The following LSM5 variants were observed in gnomAD, a reference collection of about 807,000 sequenced individuals.
LSM5 encodes U6 snRNA-associated Sm-like protein LSm5.
Under a neutral mutation model 13.8 loss-of-function variants are expected in LSM5, and 8 were observed. The ratio of observed to expected loss-of-function variants is 0.58; its 90% CI spans 0.34 to 1.04. The LOEUF (loss-of-function observed/expected upper bound fraction) is 1.04. Among genes scored for constraint, LSM5 ranks in the 50% least tolerant of loss-of-function variants. LSM5 has a pLI of 0.03. For synonymous variants in LSM5, 35 were observed against 37.0 expected (o/e 0.95, Z 0.20); for missense variants, 80 against 108.1 (o/e 0.74, Z 1.15).
At chr7:32,492,064 G>A (rs1045101163), upstream of LSM5, among the ~76,000 whole-genome samples, 2 of 152,050 alleles carry the variant, frequency 1.3e-5, no homozygotes, top group East Asian at 1.9e-4. Flanking sequence ...TGTTTGTGAC[G>A]CTTCTTTCTT....
upstream of LSM5, among the ~76,000 whole-genome samples, chr7:32,491,321 C>T (rs758298630): frequency 4.1e-5 from 6 of 144,962 alleles, no homozygotes; most frequent in South Asian, 1.3e-3. Flanking sequence ...TGCTTGAACC[C>T]GAGAGGCAGC....
In LSM5 at chr7:32,487,555, C is replaced by T. The variant is rs1476613681; in HGVS notation, c.243+130G>A. The T allele has an allele frequency of 5.7e-6, 4 of 701,398 alleles. No homozygotes were observed. In the African/African-American group the frequency reaches 7.2e-5, roughly 13 times the overall value. The allele number at this position is 701,398 out of a possible 1,614,324, so 43.4% of individuals were successfully genotyped here. A position where few individuals can be genotyped will look rare whatever the true frequency, so the allele number is the denominator to read the frequency against. On this transcript the variant is annotated intron_variant, in intron 4 of 4. Coordinates refer to ENST00000450169, the MANE Select transcript of LSM5 (RefSeq NM_012322.3). ...CTTTAGGACCCTGACCACAGAGAAC[C>T]CCTTTCCCATCTTATGCACCACTGG... is the stretch of plus-strand genomic sequence containing the variant.
chr7:32,488,794 C>T, intron 2 of LSM5, 142 bp from the exon 3 acceptor site: 1 of 633,782 alleles, frequency 1.6e-6, no homozygotes, highest in Non-Finnish European at 2.8e-6. Flanking sequence ...TACAATCACA[C>T]CTCACTGCAG....
intron 1 of LSM5, 66 bp downstream of exon 1, chr7:32,490,254 C>T (rs751578905): frequency 6.2e-7 from 1 of 1,613,878 alleles, no homozygotes; most frequent in Non-Finnish European, 8.5e-7. Flanking sequence ...TGCCTCGGAA[C>T]AGCCCCTCGG....
chr7:32,487,396 C>T, intron 4 of LSM5, 103 bp from the exon 5 acceptor site: 1 of 887,268 alleles, frequency 1.1e-6, no homozygotes. Context: ...CTGCACTCCA[C>T]GTTCCCATTT....
At chr7:32,492,231 A>C (rs967666029), upstream of LSM5, among the ~76,000 whole-genome samples, 3 of 152,214 alleles carry the variant, frequency 2.0e-5, no homozygotes, top group African/African-American at 7.2e-5. Flanking sequence ...AGTTTTTAAA[A>C]ATTAGAAAAA....
intron 1 of LSM5, chr7:32,489,969 C>T (rs1786538823): frequency 2.5e-6 from 3 of 1,182,102 alleles, no homozygotes; most frequent in Non-Finnish European, 3.3e-6. Flanking sequence ...ACATACATAA[C>T]ATGGTCTATC....
chr7:32,487,063 G>T lies in LSM5; in HGVS notation c.*198C>A. The T allele has an allele frequency of 1.6e-6, 1 of 608,814 alleles. No individual in the cohort carries two copies. The highest frequency in any genetic ancestry group is 2.9e-6 in the Non-Finnish European group (1 of 347,312). The allele number at this position is 608,814 out of a possible 1,614,324, so 37.7% of individuals were successfully genotyped here. A position where few individuals can be genotyped will look rare whatever the true frequency, so the allele number is the denominator to read the frequency against. On this transcript the variant is annotated 3_prime_UTR_variant, in exon 5 of 5. Transcript: ENST00000450169. ...ACCAAAAACACCTTTATTTTCATCT[G>T]CAAAGAAGAAGCTCTTTTCTTCTTT...
intron 1 of LSM5, 171 bp from the exon 2 acceptor site, chr7:32,489,515 T>G (rs748330666): frequency 1.8e-6 from 1 of 561,910 alleles, no homozygotes; most frequent in South Asian, 2.3e-5. Context: ...TGGCACATAA[T>G]GAGCCTTCCA....
At chr7:32,490,189 G>A in intron 1 of LSM5, 131 bp downstream of exon 1, 1 of 1,569,048 alleles carries the variant, frequency 6.4e-7, no homozygotes, top group Non-Finnish European at 8.6e-7. Context: ...AAGACTTGGA[G>A]CTCAGAGTCG....
At chr7:32,489,455 T>G in intron 1 of LSM5, 111 bp from the exon 2 acceptor site, 1 of 680,644 alleles carries the variant, frequency 1.5e-6, no homozygotes, top group Non-Finnish European at 2.6e-6. Context: ...AAAACATTCA[T>G]TCAATAACTT....
chr7:32,493,694 CCAT>C (rs1388203375), upstream of LSM5, among the ~76,000 whole-genome samples: 1 of 150,204 alleles, frequency 6.7e-6, no homozygotes, highest in Non-Finnish European at 1.5e-5. Flanking sequence ...ACACACACCA[CCAT>C]GCCTGGCTAA....
chr7:32,487,415 T>C (rs2128105787), intron 4 of LSM5, 122 bp from the exon 5 acceptor site: 1 of 757,232 alleles, frequency 1.3e-6, no homozygotes, highest in Non-Finnish European at 2.3e-6. Flanking sequence ...TTTCTCCAGA[T>C]TGTCAGTATC....
chr7:32,487,432 C>A, intron 4 of LSM5, 139 bp from the exon 5 acceptor site: 1 of 712,762 alleles, frequency 1.4e-6, no homozygotes, highest in South Asian at 1.6e-5. Flanking sequence ...TATCTATTTA[C>A]AATTCCCAAC....
intron 4 of LSM5, 94 bp from the exon 5 acceptor site, chr7:32,487,387 T>C: frequency 8.4e-6 from 8 of 952,704 alleles, no homozygotes; most frequent in Non-Finnish European, 3.4e-6. Context: ...GCCTGTCCCC[T>C]GCACTCCACG....
chr7:32,486,551 T>C lies in LSM5; in HGVS notation c.*710A>G, dbSNP rs1011791125. 6.6e-6 allele frequency: 1 copy of C among 152,342 alleles called. No individual in the cohort carries two copies. The highest frequency in any genetic ancestry group is 1.5e-5 in the Non-Finnish European group (1 of 68,138). The allele number at this position is 152,342 out of a possible 1,614,324, so 9.4% of individuals were successfully genotyped here. ...TATCAGTTCCTTGATTTGACCTGAGTCCTGGAGTTCTTAGCTGCTTTTAGT... is the reference window on the plus strand; with the variant it reads ...TATCAGTTCCTTGATTTGACCTGAGCCCTGGAGTTCTTAGCTGCTTTTAGT... On this transcript the variant is annotated 3_prime_UTR_variant, in exon 5 of 5. Coordinates refer to ENST00000450169, the MANE Select transcript of LSM5 (RefSeq NM_012322.3).
upstream of LSM5, among the ~76,000 whole-genome samples, chr7:32,492,084 C>CT (rs767880386): frequency 3.9e-5 from 6 of 152,262 alleles, no homozygotes; most frequent in South Asian, 8.3e-4. Context: ...TTCTCTTTCT[C>CT]TTTTTTTCTT....
chr7:32,489,896 T>G (rs1786536618), intron 1 of LSM5: 1 of 449,550 alleles, frequency 2.2e-6, no homozygotes, highest in Non-Finnish European at 3.7e-6. Flanking sequence ...CAAACAGAGC[T>G]GGTTTCCAGA....
chr7:32,493,026 T>C (rs1786626633), upstream of LSM5, among the ~76,000 whole-genome samples: 1 of 152,170 alleles, frequency 6.6e-6, no homozygotes, highest in African/African-American at 2.4e-5. Flanking sequence ...ATGTAAGATG[T>C]GCATGGTGGC....
Sources: allele counts gnomAD v4.1 joint callset (sites outside exome capture counted in the v4.1 genomes callset), GRCh38; gene constraint gnomAD v4.1.1; transcripts MANE v1.5; gene names NCBI Gene and HGNC (gene_info 2026-07-23, HGNC 2026-07-21).